Variants in ZNF688 observed in about 807,000 individuals in gnomAD.
ZNF688 encodes zinc finger protein 688.
ZNF688 carries 10 observed loss-of-function variants against 13.2 expected under a neutral mutation model. The ratio of observed to expected loss-of-function variants is 0.76; its 90% CI spans 0.47 to 1.28. The LOEUF is 1.28. ZNF688 is among the 50% of genes most tolerant of loss of function. The pLI is 0.00. For missense variants in ZNF688, 381 were observed against 391.4 expected (o/e 0.97, Z 0.22); for synonymous variants, 160 against 159.4 (o/e 1.00, Z -0.03).
chr16:30,576,583 C>T (rs1308480710), upstream of ZNF688, among the ~76,000 whole-genome samples: 1 of 151,988 alleles, frequency 6.6e-6, no homozygotes, highest in African/African-American at 2.4e-5. Context: ...AAACTCCTGA[C>T]CTCAGGTGAT....
In ZNF688 at chr16:30,569,856, C is replaced by G; in HGVS notation, c.*60G>C. ...CGGAGTCCCCGACTCAGTGGCCCAC[C>G]TCAGGGATCCGTCAGTCCTTCGTGC... On this transcript the variant is annotated 3_prime_UTR_variant, in exon 3 of 3. Coordinates refer to ENST00000223459, the MANE Select transcript of ZNF688 (RefSeq NM_145271.4). The G allele has an allele frequency of 6.7e-7, 1 of 1,492,996 alleles. No homozygotes were observed. Among genetic ancestry groups the G allele is most frequent in the East Asian group, 2.4e-5 (1 of 42,264 alleles). 92.5% of individuals were successfully genotyped at this position (1,492,996 alleles called of 1,614,324 possible).
At chr16:30,572,229 C>T (rs781471034), upstream of ZNF688, 2 of 1,598,660 alleles carry the variant, frequency 1.3e-6, no homozygotes, top group South Asian at 2.2e-5. Flanking sequence ...ACCCCGCGGT[C>T]CTGAAGCCTC....
upstream of ZNF688, chr16:30,572,243 TGACA>T: frequency 6.3e-7 from 1 of 1,585,660 alleles, no homozygotes; most frequent in African/African-American, 1.4e-5. Flanking sequence ...AAGCCTCTGT[TGACA>T]GACTGGAGCG....
intron 1 of ZNF688, 147 bp from the exon 2 acceptor site, chr16:30,571,270 TGAAA>T: frequency 6.5e-7 from 1 of 1,537,814 alleles, no homozygotes; most frequent in Non-Finnish European, 8.7e-7. Context: ...TGGATGCGGG[TGAAA>T]ACACTCCCGA....
chr16:30,576,097 G>C (rs1214236925), upstream of ZNF688, among the ~76,000 whole-genome samples: 2 of 152,114 alleles, frequency 1.3e-5, no homozygotes, highest in African/African-American at 4.8e-5. Context: ...GCCTAGGCTG[G>C]AGTGCAGTGG....
chr16:30,571,864 C>T (rs1331931577), upstream of ZNF688: 7 of 1,281,968 alleles, frequency 5.5e-6, no homozygotes, highest in East Asian at 1.2e-4. Flanking sequence ...ACATAGACAC[C>T]CGGGTTAAGG....
chr16:30,578,731 A>C, the ZNF688 span: 1 of 151,586 alleles, frequency 6.6e-6, no homozygotes, highest in African/African-American at 2.4e-5. Flanking sequence ...GGGTTTCTCC[A>C]TGTTCGTCAG....
the ZNF688 span, chr16:30,579,149 T>C: frequency 6.6e-6 from 1 of 152,290 alleles, no homozygotes; most frequent in Non-Finnish European, 1.5e-5. Context: ...AGAAGTGAAA[T>C]GTAATGATGT....
At chr16:30,572,050 C>G (rs2051695057), upstream of ZNF688, 3 of 1,428,600 alleles carry the variant, frequency 2.1e-6, no homozygotes, top group African/African-American at 4.4e-5. Context: ...GTGGGGGAGG[C>G]GGGGTGTCTG....
rs772445684 is a variant in ZNF688, at chr16:30,570,064, G to A, written c.683C>T (p.Ala228Val). 6.2e-6 allele frequency: 10 copies of A among 1,610,678 alleles called. No homozygotes were observed. In the South Asian group the frequency reaches 1.1e-4, roughly 18 times the overall value. The change falls in exon 3 of 3, where the codon GCG becomes GTG. Residue 228 changes from alanine (A) to valine (V), a missense_variant. Ala to Val is a moderately conservative substitution (Grantham distance 64). Coordinates refer to ENST00000223459, the MANE Select transcript of ZNF688 (RefSeq NM_145271.4). ...GCAGGAGCGGTGGATCCACTGGTGCGCTTCCACTGCGAACTTCCTCTTGAA... is the reference window on the plus strand; with the variant it reads ...GCAGGAGCGGTGGATCCACTGGTGCACTTCCACTGCGAACTTCCTCTTGAA... ...MRFKRKFAVE[A>V]HQWIHRSCSG...
chr16:30,570,381 C>T lies in ZNF688; in HGVS notation c.366G>A (p.Gly122=). 1 of 1,613,898 alleles carries T rather than the reference C, an allele frequency of 6.2e-7. No homozygotes were observed. ...EEPEEVPRAK[G]PRKAPVKESP... ...TCTCCTTCACAGGAGCCTTTCTAGG[C>T]CCTTTGGCTCTTGGGACTTCCTCCG... The change falls in exon 3 of 3, where the codon GGG becomes GGA. Residue 122 remains glycine (G), a synonymous_variant. Transcript: ENST00000223459.
chr16:30,575,845 G>A (rs1487115271), upstream of ZNF688, among the ~76,000 whole-genome samples: 2 of 151,306 alleles, frequency 1.3e-5, no homozygotes, highest in Non-Finnish European at 2.9e-5. Context: ...TAGTAGAGAT[G>A]AGGTTTCTCC....
At chr16:30,572,189 T>C (rs1298128884), upstream of ZNF688, 12 of 1,607,418 alleles carry the variant, frequency 7.5e-6, no homozygotes, top group Non-Finnish European at 1.0e-5. Flanking sequence ...GCGCGGTGAT[T>C]GGCCTGGGAC....
chr16:30,572,947 C>T (rs2051709732), upstream of ZNF688, among the ~76,000 whole-genome samples: 1 of 152,102 alleles, frequency 6.6e-6, no homozygotes, highest in Non-Finnish European at 1.5e-5. Context: ...TCTCGGCTTG[C>T]CCAGGCTGGA....
At chr16:30,578,457 G>A in the ZNF688 span, 1 of 152,240 alleles carries the variant, frequency 6.6e-6, no homozygotes, top group Non-Finnish European at 1.5e-5. Context: ...TACAGGAGAT[G>A]ACTGGGCTTC....
chr16:30,572,317 G>A (rs751951487), upstream of ZNF688: 1 of 1,402,748 alleles, frequency 7.1e-7, no homozygotes, highest in Non-Finnish European at 9.3e-7. Flanking sequence ...CTCTTACCGT[G>A]CCTCCCGATG....
chr16:30,570,461 C>T (rs2051657672), intron 2 of ZNF688, 25 bp from the exon 3 acceptor site: 1 of 1,595,496 alleles, frequency 6.3e-7, no homozygotes, highest in African/African-American at 1.3e-5. Context: ...TTAAGTTACA[C>T]TTACAAACAC....
upstream of ZNF688, among the ~76,000 whole-genome samples, chr16:30,575,804 G>A (rs780017278): frequency 7.9e-5 from 12 of 151,756 alleles, no homozygotes; most frequent in Non-Finnish European, 1.3e-4. Flanking sequence ...TTACAGGCGC[G>A]TGCCACCACT....
Position 30,569,826 on chromosome 16 carries a change from A to G in ZNF688, c.*90T>C. On this transcript the variant is annotated 3_prime_UTR_variant, in exon 3 of 3. Transcript: ENST00000223459. ...GAGGAAAGCCCAGGGCATGAATTTC[A>G]GTTCCGGAGTCCCCGACTCAGTGGC... 1.4e-6 allele frequency: 2 copies of G among 1,429,744 alleles called. No homozygotes were observed. Among genetic ancestry groups the G allele is most frequent in the Non-Finnish European group, 1.8e-6 (2 of 1,086,148 alleles). 88.6% of individuals were successfully genotyped at this position (1,429,744 alleles called of 1,614,324 possible). A position where few individuals can be genotyped will look rare whatever the true frequency, so the allele number is the denominator to read the frequency against.
Sources: gnomAD v4.1 joint callset for allele counts (sites outside exome capture counted in the v4.1 genomes callset) on GRCh38, gnomAD v4.1.1 for gene constraint, MANE v1.5 for transcripts, NCBI Gene and HGNC (gene_info 2026-07-23, HGNC 2026-07-21) for gene names.